The following RASGRP1 variants were observed in gnomAD, a reference collection of about 807,000 sequenced individuals.
RASGRP1 encodes RAS guanyl releasing protein 1, also known as RAS guanyl-releasing protein 1.
RASGRP1 carries 37 observed loss-of-function variants against 95.1 expected under a neutral mutation model. The ratio of observed to expected loss-of-function variants is 0.39; its 90% CI spans 0.30 to 0.51. The LOEUF (loss-of-function observed/expected upper bound fraction) is 0.51, where lower values mean the gene tolerates loss of function less well. Ranked by LOEUF, RASGRP1 falls within the 20% of genes least tolerant of loss-of-function variation. RASGRP1 has a pLI of 0.80. For synonymous variants in RASGRP1, 325 were observed against 353.4 expected, an observed-to-expected ratio of 0.92 and a Z score of 0.90; for missense variants, 711 against 965.4, an observed-to-expected ratio of 0.74 and a Z score of 3.49.
chr15:38,491,146 C>T (rs565330501), intron 16 of RASGRP1, among the ~76,000 whole-genome samples: 2 of 152,270 alleles, frequency 1.3e-5, no homozygotes, highest in South Asian at 4.1e-4. Context: ...AAGAATTTCA[C>T]CCCACCCCTA....
Position 38,564,722 on chromosome 15 carries a change from C to G in RASGRP1, c.-94G>C, listed in dbSNP as rs55699464. 80 of 1,042,012 alleles carry G rather than the reference C, an allele frequency of 7.7e-5. No homozygotes were observed. The highest frequency in any genetic ancestry group is 9.3e-5 in the Non-Finnish European group (78 of 838,924). 64.5% of individuals were successfully genotyped at this position (1,042,012 alleles called of 1,614,324 possible). On this transcript the variant is annotated 5_prime_UTR_variant, in exon 1 of 17. Coordinates refer to ENST00000310803, the MANE Select transcript of RASGRP1 (RefSeq NM_005739.4). ...CACCGCCGCCGCCTGCCGGCTCTCT[C>G]CCCCCCGGGCCTCGTAGCCCCGGCG...
intron 8 of RASGRP1, 87 bp downstream of exon 8, chr15:38,511,517 G>A: frequency 1.0e-6 from 1 of 1,002,430 alleles, no homozygotes. Context: ...GGTTGGAAAT[G>A]CTCTCTGGGC....
rs943389012 is a variant in RASGRP1 at position 38,488,563 on chromosome 15, T to C, written c.*1991A>G. The C allele has an allele frequency of 6.6e-6, 1 of 152,056 alleles. No individual in the cohort carries two copies. The highest frequency in any genetic ancestry group is 1.5e-5 in the Non-Finnish European group (1 of 67,900). 9.4% of individuals were successfully genotyped at this position (152,056 alleles called of 1,614,324 possible). On this transcript the variant is annotated 3_prime_UTR_variant, in exon 17 of 17. Transcript: ENST00000310803. ...TGATAAATTCTGCAGTACTTGATACTGTTTAGCCATTGCTAATTTGACTAA... is the reference window on the plus strand; with the variant it reads ...TGATAAATTCTGCAGTACTTGATACCGTTTAGCCATTGCTAATTTGACTAA...
At chr15:38,538,266 T>G (rs1892738776) in intron 2 of RASGRP1, among the ~76,000 whole-genome samples, 1 of 152,054 alleles carries the variant, frequency 6.6e-6, no homozygotes, top group Non-Finnish European at 1.5e-5. Context: ...TCTGTCTCCA[T>G]AAACAAAATG....
chr15:38,563,373 C>G (rs1893890735), intron 1 of RASGRP1, among the ~76,000 whole-genome samples: 1 of 152,072 alleles, frequency 6.6e-6, no homozygotes, highest in South Asian at 2.1e-4. Flanking sequence ...AGGTGTTTTC[C>G]AAGCCTAAAA....
intron 2 of RASGRP1, among the ~76,000 whole-genome samples, chr15:38,555,793 G>C (rs1015796468): frequency 1.3e-5 from 2 of 152,172 alleles, no homozygotes; most frequent in African/African-American, 4.8e-5. Flanking sequence ...ACACTAATAG[G>C]TAAGATGAAA....
At chr15:38,532,257 T>G (rs1253542765) in intron 2 of RASGRP1, among the ~76,000 whole-genome samples, 2 of 152,228 alleles carry the variant, frequency 1.3e-5, no homozygotes, top group Non-Finnish European at 2.9e-5. Context: ...AATGTGCGTA[T>G]TTTTTCATTA....
At chr15:38,556,536 T>C (rs74846543) in intron 2 of RASGRP1, among the ~76,000 whole-genome samples, 3,922 of 152,312 alleles carry the variant, frequency 0.026, 172 homozygotes, top group African/African-American at 0.089. Context: ...CCACAGTTTG[T>C]AGAAAATCTA....
At chr15:38,506,405 C>A (rs1049798801) in intron 9 of RASGRP1, among the ~76,000 whole-genome samples, 3 of 152,074 alleles carry the variant, frequency 2.0e-5, no homozygotes, top group African/African-American at 7.2e-5. Flanking sequence ...GAGGCCAGGG[C>A]AGGTTGATTG....
rs62621817 is a variant in RASGRP1 at position 38,502,390 on chromosome 15, T to A, written c.1460A>T (p.Asp487Val). The A allele has an allele frequency of 1.0e-4, 162 of 1,604,954 alleles. No homozygotes were observed. The highest frequency in any genetic ancestry group is 1.2e-4 in the Non-Finnish European group (142 of 1,171,876). Residue 487 changes from aspartate to valine, a missense_variant, in exon 12 of 17, where the codon GAT (aspartate) becomes GTT (valine). Around this residue, in one of 3 missense-constraint regions of RASGRP1, gnomAD observed 491 missense variants for 676.6 expected, o/e 0.73. Transcript: ENST00000310803. ...AAATTCTTCCTGAGAAATGTATCCA[T>A]CCTGGTCGTGATCATAGTTCTTGAA... ...SVFKNYDHDQ[D>V]GYISQEEFEK...
intron 2 of RASGRP1, among the ~76,000 whole-genome samples, chr15:38,555,940 T>C (rs940329583): frequency 2.6e-5 from 4 of 152,058 alleles, no homozygotes; most frequent in African/African-American, 4.8e-5. Context: ...TTGTCTTGCA[T>C]TGAGAGGGAG....
chr15:38,495,424 G>A (rs1194149058), intron 15 of RASGRP1, among the ~76,000 whole-genome samples: 1 of 152,200 alleles, frequency 6.6e-6, no homozygotes, highest in Non-Finnish European at 1.5e-5. Context: ...AAGAGCAGAT[G>A]TATTTGAGGT....
chr15:38,502,866 C>T (rs770142127), intron 11 of RASGRP1: 10 of 236,914 alleles, frequency 4.2e-5, no homozygotes, highest in East Asian at 3.1e-4. Context: ...GAGTTGTCCA[C>T]GAGGATACAT....
Position 38,541,407 on chromosome 15 carries a change from G to A in RASGRP1, c.221-15003C>T, listed in dbSNP as rs116097106. Among the ~76,000 whole-genome samples the A allele has an allele frequency of 7.5e-3, 1,134 of 152,176 alleles. 16 individuals carry two copies. Among genetic ancestry groups the A allele is most frequent in the African/African-American group, 0.026 (1,062 of 41,506 alleles). On this transcript the variant is annotated intron_variant, in intron 2 of 16. Coordinates refer to ENST00000310803, the MANE Select transcript of RASGRP1 (RefSeq NM_005739.4). ...GGAGTTTGAGACCAGCCTGGGCAAC[G>A]CAGCAGGACCTCATCTCTACTGAGA...
intron 2 of RASGRP1, among the ~76,000 whole-genome samples, chr15:38,539,780 T>C (rs1342080245): frequency 1.3e-5 from 2 of 152,102 alleles, no homozygotes; most frequent in African/African-American, 4.8e-5. Context: ...GTCCATGTGT[T>C]CTCATTGTTC....
At chr15:38,516,471 G>A in intron 5 of RASGRP1, 121 bp from the exon 6 acceptor site, 2 of 1,255,894 alleles carry the variant, frequency 1.6e-6, no homozygotes, top group South Asian at 2.6e-5. Flanking sequence ...CTTTCCTTGT[G>A]AATGCCAAAA....
At chr15:38,534,501 G>T (rs1892562725) in intron 2 of RASGRP1, 1 of 152,132 alleles carries the variant, frequency 6.6e-6, no homozygotes, top group East Asian at 1.9e-4. Context: ...TTATTTACTT[G>T]TAATGGCTGG....
intron 8 of RASGRP1, among the ~76,000 whole-genome samples, chr15:38,509,907 A>G (rs1397219693): frequency 6.6e-6 from 1 of 152,124 alleles, no homozygotes; most frequent in African/African-American, 2.4e-5. Context: ...ACGAAGTACC[A>G]TTTCTCCACA....
chr15:38,504,596 C>T (rs1236329997), intron 10 of RASGRP1: 1 of 152,156 alleles, frequency 6.6e-6, no homozygotes, highest in Non-Finnish European at 1.5e-5. Context: ...CTGTCACCTT[C>T]TGGAGGACTT....
Sources: gnomAD v4.1 joint callset for allele counts (sites outside exome capture counted in the v4.1 genomes callset) on GRCh38, gnomAD v4.1.1 for gene constraint, gnomAD v4.1.1 regional missense constraint, MANE v1.5 for transcripts, NCBI Gene and HGNC (gene_info 2026-07-23, HGNC 2026-07-21) for gene names.